The following NBEAL2 variants were observed in gnomAD, a reference collection of about 807,000 sequenced individuals.
NBEAL2 encodes neurobeachin like 2, also known as neurobeachin-like protein 2.
In NBEAL2, 160 loss-of-function variants were observed where a neutral mutation model predicts 299.8. The observed-to-expected ratio is 0.53, with a 90% CI of 0.47 to 0.61. NBEAL2 has a LOEUF of 0.61. NBEAL2 is among the 20% of genes least tolerant of loss of function. The pLI, the probability that NBEAL2 is intolerant of heterozygous loss-of-function variation, is 0.00. For missense variants in NBEAL2, 3,112 were observed against 3,649.0 expected (o/e 0.85, Z 3.79); for synonymous variants, 1,493 against 1,542.3 (o/e 0.97, Z 0.75).
At position 47,008,106 on chromosome 3, in the gene NBEAL2, C is replaced by G. The variant is rs755806258; in HGVS notation, c.7639C>G (p.Gln2547Glu). ...LSVGLAPKPV[Q>E]VLYGHGAAVS... The stretch of plus-strand genomic sequence containing the variant: ...AGTAGGCCTGGCACCAAAGCCTGTG[C>G]AGGTCCTGTATGGGCATGGGGCTGC... The change falls in exon 50 of 54, where the codon CAG (glutamine) becomes GAG (glutamate). Residue 2547 changes from glutamine to glutamate, a missense_variant. Gln to Glu is a conservative substitution (Grantham distance 29). Coordinates refer to ENST00000450053, the MANE Select transcript of NBEAL2 (RefSeq NM_015175.3). The G allele has an allele frequency of 6.2e-7, 1 of 1,613,904 alleles. No homozygotes were observed. The highest frequency in any genetic ancestry group is 8.5e-7 in the Non-Finnish European group (1 of 1,179,900).
Position 47,003,666 on chromosome 3 carries a change from C to T in NBEAL2, c.5721-150C>T, listed in dbSNP as rs1473665840. On this transcript the variant is annotated intron_variant, in intron 35 of 53. Transcript: ENST00000450053. This position sits in a 1 kb window ranked among gnomAD's most constrained non-coding sequence, Gnocchi z 7.0. Reference sequence around the variant, plus strand: ...GCAGGTGGGGGACAGGGGCTGGGACCAGTAGGTTCTGGACCCTAGGCAGCC... The same window carrying T: ...GCAGGTGGGGGACAGGGGCTGGGACTAGTAGGTTCTGGACCCTAGGCAGCC... 2 of 1,081,070 alleles carry T rather than the reference C, an allele frequency of 1.9e-6. No homozygotes were observed. Among genetic ancestry groups the T allele is most frequent in the Non-Finnish European group, 2.6e-6 (2 of 773,524 alleles). The allele number at this position is 1,081,070 out of a possible 1,614,324, so 67.0% of individuals were successfully genotyped here.
intron 15 of NBEAL2, 74 bp downstream of exon 15, chr3:46,996,125 G>C: frequency 6.4e-7 from 1 of 1,550,952 alleles, no homozygotes; most frequent in Non-Finnish European, 8.7e-7. Flanking sequence ...GTGTAGCCTG[G>C]AGCCCTTGTG....
In NBEAL2 at chr3:47,003,722, A is replaced by G. The variant is rs2037205081; in HGVS notation, c.5721-94A>G. The G allele has an allele frequency of 1.4e-6, 2 of 1,426,940 alleles. No individual in the cohort carries two copies. The highest frequency in any genetic ancestry group is 2.5e-5 in the East Asian group (1 of 40,038). The allele number at this position is 1,426,940 out of a possible 1,614,324, so 88.4% of individuals were successfully genotyped here. On this transcript the variant is annotated intron_variant, in intron 35 of 53. Transcript: ENST00000450053. This position sits in a 1 kb window ranked among gnomAD's most constrained non-coding sequence, Gnocchi z 7.0. ...CCATCTCTGGGAGTCATGAGAGTAT[A>G]TACCCCATGACTCAATGGCACTTGG... is the stretch of plus-strand genomic sequence containing the variant.
rs569247140 is a variant in NBEAL2, at chr3:47,001,789, G to A, written c.4745G>A (p.Arg1582Gln). ...CGTGAGATGGCGCAGATTGGCCTAC[G>A]GCTTGTACTTGGCTACATCCTGCTG... ...DLREMAQIGLRLVLGYILLED... is the reference protein window; with the variant it reads ...DLREMAQIGLQLVLGYILLED... The change falls in exon 30 of 54, where the codon CGG becomes CAG. Residue 1582 changes from arginine to glutamine, a missense_variant. Physicochemically the swap from Arg to Gln is conservative, Grantham distance 43. Around this residue, in one of 3 missense-constraint regions of NBEAL2, gnomAD observed 2,243 missense variants for 2,538.1 expected, o/e 0.88. Transcript: ENST00000450053. The surrounding 1 kb of genome is among the most constrained non-coding windows in gnomAD (Gnocchi z 6.1). The A allele has an allele frequency of 1.2e-5, 19 of 1,613,766 alleles. No individual in the cohort carries two copies. Among genetic ancestry groups the A allele is most frequent in the Admixed American group, 3.3e-5 (2 of 60,008 alleles).
chr3:46,998,748 G>C lies in NBEAL2; in HGVS notation c.3253G>C (p.Asp1085His), dbSNP rs772177163. 1.7e-5 allele frequency: 27 copies of C among 1,576,596 alleles called. 1 individual carries two copies. Among genetic ancestry groups the C allele is most frequent in the Middle Eastern group, 1.7e-4 (1 of 6,026 alleles). ...GCGGGAGCGCCCCCTGGCTGCTGAC[G>C]ACCTACGCACCGTGCAGACCTCCCT... ...PQRERPLAAD[D>H]LRTVQTSLLG... The change falls in exon 23 of 54, where the codon GAC becomes CAC. Residue 1085 changes from aspartate to histidine, a missense_variant. Physicochemically the swap from Asp to His is moderately conservative, Grantham distance 81 (BLOSUM62 -1). Coordinates refer to ENST00000450053, the MANE Select transcript of NBEAL2 (RefSeq NM_015175.3).
In NBEAL2 at chr3:47,009,340, T is replaced by G; in HGVS notation, c.*20T>G. 6.4e-7 allele frequency: 1 copy of G among 1,566,032 alleles called. No individual in the cohort carries two copies. Among genetic ancestry groups the G allele is most frequent in the Non-Finnish European group, 8.7e-7 (1 of 1,155,510 alleles). On this transcript the variant is annotated 3_prime_UTR_variant, in exon 54 of 54. Transcript: ENST00000450053. The stretch of plus-strand genomic sequence containing the variant: ...CGCTGAACCTGGCCAGTCCGGCTGC[T>G]CGGGCCCCGCCCCCGGCAGGCCTGG...
chr3:46,998,159 C>T lies in NBEAL2; in HGVS notation c.3051C>T (p.Tyr1017=). 1 of 1,606,416 alleles carries T rather than the reference C, an allele frequency of 6.2e-7. No individual in the cohort carries two copies. The highest frequency in any genetic ancestry group is 8.5e-7 in the Non-Finnish European group (1 of 1,176,542). Residue 1017 remains tyrosine (Y), a synonymous_variant, in exon 21 of 54, where the codon TAC becomes TAT. Transcript: ENST00000450053. ...CTGAGGGCAGCGGGCCCCTCCTGTA[C>T]CTACTCTACCAGCATTTGCTCTTCA... is the stretch of plus-strand genomic sequence containing the variant. ...VAAEGSGPLL[Y]LLYQHLLFNF... is the part of the protein sequence containing the mutation.
Position 47,001,312 on chromosome 3 carries a change from C to G in NBEAL2, c.4518C>G (p.Thr1506=). 1 of 1,612,484 alleles carries G rather than the reference C, an allele frequency of 6.2e-7. No homozygotes were observed. Among genetic ancestry groups the G allele is most frequent in the Non-Finnish European group, 8.5e-7 (1 of 1,179,012 alleles). Residue 1506 remains threonine (T), a synonymous_variant, in exon 29 of 54, where the codon ACC becomes ACG. Coordinates refer to ENST00000450053, the MANE Select transcript of NBEAL2 (RefSeq NM_015175.3). The surrounding 1 kb of genome is among the most constrained non-coding windows in gnomAD (Gnocchi z 6.1). Reference sequence around the variant, plus strand: ...AGATGATGCTGGAGTCAGCCCTGACCGACATCAAAGAGGCCCCCGTGGGGG... The same window carrying G: ...AGATGATGCTGGAGTCAGCCCTGACGGACATCAAAGAGGCCCCCGTGGGGG... ...LLEMMLESAL[T]DIKEAPVGVL... is the part of the protein sequence containing the mutation.
intron 1 of NBEAL2, among the ~76,000 whole-genome samples, chr3:46,986,355 C>G (rs2035671754): frequency 6.6e-6 from 1 of 152,140 alleles, no homozygotes; most frequent in Non-Finnish European, 1.5e-5. Flanking sequence ...GTGGGAGGTT[C>G]CTGCTCAAGT....
At position 46,979,707 on chromosome 3, in the gene NBEAL2, G is replaced by A. The variant is rs2035165166; in HGVS notation, c.-155G>A. The A allele has an allele frequency of 9.7e-6, 3 of 308,550 alleles. No individual in the cohort carries two copies. The highest frequency in any genetic ancestry group is 6.6e-5 in the African/African-American group (3 of 45,268). The allele number at this position is 308,550 out of a possible 1,614,324, so 19.1% of individuals were successfully genotyped here. On this transcript the variant is annotated 5_prime_UTR_variant, in exon 1 of 54. Transcript: ENST00000450053. ...GAGCAGACTTGGGTGGCTCTGCGCC[G>A]CGGAGGCCACAGCCGCAGACTTCCC... is the stretch of plus-strand genomic sequence containing the variant.
Position 46,988,653 on chromosome 3 carries a change from C to G in NBEAL2, c.52-16C>G. ...CCCTCCTGCCCCCCACCACTGTTCC[C>G]CTGTTCTGCCTACAGAAGGACCTGG... is the stretch of plus-strand genomic sequence containing the variant. On this transcript the variant is annotated splice_polypyrimidine_tract_variant and intron_variant, in intron 1 of 53. Coordinates refer to ENST00000450053, the MANE Select transcript of NBEAL2 (RefSeq NM_015175.3). The surrounding 1 kb of genome is among the most constrained non-coding windows in gnomAD (Gnocchi z 4.4). 2 of 1,611,854 alleles carry G rather than the reference C, an allele frequency of 1.2e-6. No individual in the cohort carries two copies. Among genetic ancestry groups the G allele is most frequent in the East Asian group, 2.2e-5 (1 of 44,854 alleles).
chr3:46,987,206 G>C (rs1270258116), intron 1 of NBEAL2, among the ~76,000 whole-genome samples: 2 of 152,180 alleles, frequency 1.3e-5, no homozygotes, highest in Non-Finnish European at 2.9e-5. Context: ...CCGTGGTCTG[G>C]GCCCATAGGC....
rs542841457 is a variant in NBEAL2 at position 46,989,726 on chromosome 3, G to C, written c.556+133G>C. 1.2e-5 allele frequency: 10 copies of C among 831,196 alleles called. No homozygotes were observed. The Admixed American group carries it at 1.5e-4, about 13-fold the overall frequency. 51.5% of individuals were successfully genotyped at this position (831,196 alleles called of 1,614,324 possible). On this transcript the variant is annotated intron_variant, in intron 6 of 53. Transcript: ENST00000450053. The surrounding 1 kb of genome is among the most constrained non-coding windows in gnomAD (Gnocchi z 5.5). ...CAGGACTGGGAGAACCAAAGACCAAGCAAGAGTTTAGGGACAGAGACAAGA... is the reference window on the plus strand; with the variant it reads ...CAGGACTGGGAGAACCAAAGACCAACCAAGAGTTTAGGGACAGAGACAAGA...
chr3:46,991,116 T>C lies in NBEAL2; in HGVS notation c.557-103T>C. The C allele has an allele frequency of 9.9e-7, 1 of 1,006,522 alleles. No homozygotes were observed. The allele number at this position is 1,006,522 out of a possible 1,614,324, so 62.3% of individuals were successfully genotyped here. On this transcript the variant is annotated intron_variant, in intron 6 of 53. Coordinates refer to ENST00000450053, the MANE Select transcript of NBEAL2 (RefSeq NM_015175.3). The surrounding 1 kb of genome is among the most constrained non-coding windows in gnomAD (Gnocchi z 6.2). ...CACTGGATCTTTTACTTGGCCCAGCTCCCTCTCCCCTCCACCCCAGGGCAC... is the reference window on the plus strand; with the variant it reads ...CACTGGATCTTTTACTTGGCCCAGCCCCCTCTCCCCTCCACCCCAGGGCAC...
At chr3:46,985,535 G>A (rs1006375094) in intron 1 of NBEAL2, among the ~76,000 whole-genome samples, 1 of 152,108 alleles carries the variant, frequency 6.6e-6, no homozygotes. Flanking sequence ...AGCAGCCCTC[G>A]GGAGCCCCTC....
rs767144452 is a variant in NBEAL2 at position 46,989,190 on chromosome 3, G to A, written c.351+24G>A. On this transcript the variant is annotated intron_variant, in intron 4 of 53. Coordinates refer to ENST00000450053, the MANE Select transcript of NBEAL2 (RefSeq NM_015175.3). The surrounding 1 kb of genome is among the most constrained non-coding windows in gnomAD (Gnocchi z 5.5). ...AGGTGAAGTGGCCTCTACCTTGGGG[G>A]GCAGAGGGTGTATGCAGGGAGGCAG... is the stretch of plus-strand genomic sequence containing the variant. 1.9e-6 allele frequency: 3 copies of A among 1,613,674 alleles called. No individual in the cohort carries two copies. Among genetic ancestry groups the A allele is most frequent in the Non-Finnish European group, 2.5e-6 (3 of 1,179,758 alleles).
At chr3:46,990,207 G>C (rs957450259) in intron 6 of NBEAL2, among the ~76,000 whole-genome samples, 4 of 152,268 alleles carry the variant, frequency 2.6e-5, no homozygotes, top group Admixed American at 2.6e-4. Context: ...TCTCAGTGAT[G>C]CCCCCATGGA....
rs1454217692 is a variant in NBEAL2, at chr3:47,001,852, AG to A, written c.4782+31del. On this transcript the variant is annotated intron_variant, in intron 30 of 53. Coordinates refer to ENST00000450053, the MANE Select transcript of NBEAL2 (RefSeq NM_015175.3). The surrounding 1 kb of genome is among the most constrained non-coding windows in gnomAD (Gnocchi z 6.1). ...GTGAGCACAGGGTGAGCATGGGGGC[AG>A]GGGGCGTGTGAGATGTCGGGAGCTC... is the stretch of plus-strand genomic sequence containing the variant. The A allele has an allele frequency of 3.7e-6, 6 of 1,612,078 alleles. No individual in the cohort carries two copies. Among genetic ancestry groups the A allele is most frequent in the Non-Finnish European group, 5.1e-6 (6 of 1,178,802 alleles).
intron 10 of NBEAL2, 31 bp downstream of exon 10, chr3:46,992,586 C>T: frequency 6.5e-7 from 1 of 1,546,792 alleles, no homozygotes; most frequent in Non-Finnish European, 8.8e-7. Context: ...AGCTCAGACA[C>T]CCCCTGGGAC....
Sources: allele counts gnomAD v4.1 joint callset (sites outside exome capture counted in the v4.1 genomes callset), GRCh38; gene constraint gnomAD v4.1.1; regional missense constraint gnomAD v4.1.1; non-coding constraint Gnocchi (gnomAD v3.1); transcripts MANE v1.5; gene names NCBI Gene and HGNC (gene_info 2026-07-23, HGNC 2026-07-21).